MYO5C: variants seen among roughly 807,000 people sequenced by gnomAD.
MYO5C encodes the protein unconventional myosin-Vc.
A neutral mutation model predicts 235.7 loss-of-function variants in MYO5C; 194 were observed. The ratio of observed to expected loss-of-function variants is 0.82; its 90% CI spans 0.73 to 0.93. The LOEUF is 0.93. MYO5C is among the 40% of genes least tolerant of loss of function. The probability of loss-of-function intolerance (pLI) is 0.00; values close to 1 mark genes in which losing one functional copy is unlikely to be tolerated. For missense variants in MYO5C, 2,038 were observed against 2,127.2 expected (o/e 0.96, Z 0.82); for synonymous variants, 707 against 754.8 (o/e 0.94, Z 1.04).
chr15:52,229,151 G>C lies in MYO5C; in HGVS notation c.3189C>G (p.Arg1063=). ...GCTCTACCTTGACCTGCTTGCTCAGGCGGGCCACTTCCGCCTTCAAGCCAT... is the reference window on the plus strand; with the variant it reads ...GCTCTACCTTGACCTGCTTGCTCAGCCGGGCCACTTCCGCCTTCAAGCCAT... ...TSDGLKAEVA[R]LSKQVKTISE... is the part of the protein sequence containing the mutation. Residue 1063 remains arginine (R), a synonymous_variant, in exon 25 of 41, where the codon CGC becomes CGG. Coordinates refer to ENST00000261839, the MANE Select transcript of MYO5C (RefSeq NM_018728.4). 2 of 1,614,150 alleles carry C rather than the reference G, an allele frequency of 1.2e-6. No individual in the cohort carries two copies. The highest frequency in any genetic ancestry group is 1.7e-6 in the Non-Finnish European group (2 of 1,180,024).
rs948741853 is a variant in MYO5C, at chr15:52,192,852, G to A, written c.*1050C>T. On this transcript the variant is annotated 3_prime_UTR_variant, in exon 41 of 41. Coordinates refer to ENST00000261839, the MANE Select transcript of MYO5C (RefSeq NM_018728.4). The stretch of plus-strand genomic sequence containing the variant: ...GTTTTAAAAAAGTTATTGTATGAAA[G>A]GTATTAAAAAATAAAAAAATTATGG... 8.9e-6 allele frequency: 1 copy of A among 112,102 alleles called. No homozygotes were observed. The highest frequency in any genetic ancestry group is 2.4e-5 in the Non-Finnish European group (1 of 42,028). 6.9% of individuals were successfully genotyped at this position (112,102 alleles called of 1,614,324 possible).
intron 40 of MYO5C, 106 bp from the exon 41 acceptor site, chr15:52,194,160 T>C: frequency 1.9e-6 from 2 of 1,030,384 alleles, no homozygotes; most frequent in Non-Finnish European, 2.8e-6. Context: ...GGAGAGCTCC[T>C]TGCACCATCA....
intron 37 of MYO5C, 145 bp from the exon 38 acceptor site, chr15:52,205,292 A>C (rs950136488): frequency 2.2e-6 from 2 of 927,696 alleles, no homozygotes; most frequent in African/African-American, 3.3e-5. Flanking sequence ...AAAAGAATCA[A>C]GGGTTTGGGA....
intron 32 of MYO5C, among the ~76,000 whole-genome samples, chr15:52,215,528 T>C (rs1342479117): frequency 6.6e-6 from 1 of 152,192 alleles, no homozygotes; most frequent in African/African-American, 2.4e-5. Flanking sequence ...CTGTTTCTAC[T>C]CTGTGCGGCC....
At chr15:52,209,232 CAA>C (rs2035390017) in intron 35 of MYO5C, among the ~76,000 whole-genome samples, 1 of 152,086 alleles carries the variant, frequency 6.6e-6, no homozygotes, top group Non-Finnish European at 1.5e-5. Flanking sequence ...ATTTAAAAGA[CAA>C]GGGAGGAAGC....
At chr15:52,204,317 C>T (rs60131226) in intron 38 of MYO5C, among the ~76,000 whole-genome samples, 3,550 of 151,776 alleles carry the variant, frequency 0.023, 127 homozygotes, top group African/African-American at 0.077. Flanking sequence ...TGCCTCTGAC[C>T]GTTTCTCCTG....
At chr15:52,218,803 G>A in intron 31 of MYO5C, 116 bp from the exon 32 acceptor site, 1 of 1,031,782 alleles carries the variant, frequency 9.7e-7, no homozygotes, top group South Asian at 1.6e-5. Flanking sequence ...GCCAATTTCT[G>A]TGTAAAGCAA....
chr15:52,273,995 ACT>A (rs1016630384), intron 5 of MYO5C, among the ~76,000 whole-genome samples: 2 of 150,262 alleles, frequency 1.3e-5, no homozygotes, highest in Non-Finnish European at 3.0e-5. Flanking sequence ...CATCCCTCAC[ACT>A]CTCTGGGCAG....
rs373483191 is a variant in MYO5C at position 52,267,956 on chromosome 15, T to C, written c.940+1797A>G. Among the ~76,000 whole-genome samples the C allele has an allele frequency of 8.5e-4, 129 of 152,266 alleles. 1 individual carries two copies. The highest frequency in any genetic ancestry group is 3.0e-3 in the African/African-American group (123 of 41,552). The stretch of plus-strand genomic sequence containing the variant: ...CTCCATGGAGTACATTATACAAAGA[T>C]TGAAATGACGACCATAATTATTTTC... On this transcript the variant is annotated intron_variant, in intron 8 of 40. Coordinates refer to ENST00000261839, the MANE Select transcript of MYO5C (RefSeq NM_018728.4).
At chr15:52,201,538 A>C (rs1436691552) in intron 38 of MYO5C, among the ~76,000 whole-genome samples, 1 of 152,212 alleles carries the variant, frequency 6.6e-6, no homozygotes, top group African/African-American at 2.4e-5. Context: ...TACTTTCTTC[A>C]GGCAGAAGGA....
Position 52,251,402 on chromosome 15 carries a change from G to C in MYO5C, c.1650C>G (p.His550Gln), listed in dbSNP as rs1250495493. 1 of 1,597,176 alleles carries C rather than the reference G, an allele frequency of 6.3e-7. No homozygotes were observed. Among genetic ancestry groups the C allele is most frequent in the South Asian group, 1.1e-5 (1 of 88,742 alleles). Residue 550 changes from histidine (H) to glutamine (Q), a missense_variant, in exon 13 of 41, where the codon CAC becomes CAG. Transcript: ENST00000261839. ...ACCTTCACGGTACCTTATCAGCAAA[G>C]TGCTGGATGACAAAGGATGTGTTTG... is the stretch of plus-strand genomic sequence containing the variant. ...RMSNTSFVIQ[H>Q]FADKVEYKCE...
chr15:52,236,072 A>G (rs1048173701), intron 22 of MYO5C, among the ~76,000 whole-genome samples: 1 of 152,250 alleles, frequency 6.6e-6, no homozygotes, highest in Non-Finnish European at 1.5e-5. Context: ...GAGCTTCTCA[A>G]TAGCCAGGGG....
In MYO5C at chr15:52,192,721, T is replaced by A. The variant is rs1340154209; in HGVS notation, c.*1181A>T. Reference sequence around the variant, plus strand: ...AAACGTAGATTTCTCAAAAGTAGGGTCCGACACAATTTTTTAGTTACTTTT... The same window carrying A: ...AAACGTAGATTTCTCAAAAGTAGGGACCGACACAATTTTTTAGTTACTTTT... On this transcript the variant is annotated 3_prime_UTR_variant, in exon 41 of 41. Coordinates refer to ENST00000261839, the MANE Select transcript of MYO5C (RefSeq NM_018728.4). 6.6e-6 allele frequency: 1 copy of A among 152,152 alleles called. No individual in the cohort carries two copies. The highest frequency in any genetic ancestry group is 2.4e-5 in the African/African-American group (1 of 41,416). 9.4% of individuals were successfully genotyped at this position (152,152 alleles called of 1,614,324 possible).
chr15:52,293,738 G>T (rs2037442714), intron 1 of MYO5C, among the ~76,000 whole-genome samples: 1 of 152,092 alleles, frequency 6.6e-6, no homozygotes, highest in South Asian at 2.1e-4. Context: ...AATGACCTGA[G>T]AATTCAGCTA....
intron 37 of MYO5C, chr15:52,205,484 T>C (rs3751606): frequency 0.54 from 182,412 of 337,154 alleles, 54,314 homozygotes; most frequent in Non-Finnish European, 0.65. Flanking sequence ...AAGGAAAGTA[T>C]ACAAGAATTC....
Position 52,235,687 on chromosome 15 carries a change from T to G in MYO5C, c.2945A>C (p.Lys982Thr). 6.2e-7 allele frequency: 1 copy of G among 1,611,854 alleles called. No individual in the cohort carries two copies. The highest frequency in any genetic ancestry group is 8.5e-7 in the Non-Finnish European group (1 of 1,178,816). Residue 982 changes from lysine to threonine, a missense_variant, in exon 23 of 41, where the codon AAG becomes ACG. Coordinates refer to ENST00000261839, the MANE Select transcript of MYO5C (RefSeq NM_018728.4). ...AGCTTTACCTTTTAACTCTTCAGTC[T>G]TCTCTTGAAGCTTCAGCTGTATTTG... ...KEQIQLKLQE[K>T]TEELKEKMDN...
rs1158504394 is a variant in MYO5C, at chr15:52,232,201, AGG to A, written c.3026+419_3026+420del. ...GAGGAAGGGAGGAAGGGAGGAAGGA[AGG>A]AAGGAAAAGAAAGAAAATGAAAGAA... On this transcript the variant is annotated intron_variant, in intron 24 of 40. Coordinates refer to ENST00000261839, the MANE Select transcript of MYO5C (RefSeq NM_018728.4). Among the ~76,000 whole-genome samples, 1,978 of 74,870 alleles carry A rather than the reference AGG, an allele frequency of 0.026. 548 individuals are homozygous for A. The East Asian group carries it at 0.55, about 21-fold the overall frequency. The allele number at this position is 74,870 out of a possible 152,430, so 49.1% of individuals were successfully genotyped here. A position where few individuals can be genotyped will look rare whatever the true frequency, so the allele number is the denominator to read the frequency against.
Position 52,221,213 on chromosome 15 carries a change from G to A in MYO5C, c.3670C>T (p.Gln1224Ter), listed in dbSNP as rs1170268383. 1 of 1,613,042 alleles carries A rather than the reference G, an allele frequency of 6.2e-7. No homozygotes were observed. Among genetic ancestry groups the A allele is most frequent in the East Asian group, 2.2e-5 (1 of 44,866 alleles). The change falls in exon 30 of 41, where the codon CAG becomes TAG. Residue 1224 changes from glutamine to a stop codon, truncating the protein, a stop_gained. Coordinates refer to ENST00000261839, the MANE Select transcript of MYO5C (RefSeq NM_018728.4). LOFTEE classifies it high-confidence loss of function. ...AGGCGGATTTCAAGATCTTGCTTCT[G>A]TTTCTCCAATTCTGAAATTTGCTGT... ...FKQQISELEKQKQDLEIRLNE... is the reference protein window; with the variant it reads ...FKQQISELEK
chr15:52,214,553 G>T, intron 33 of MYO5C, 50 bp downstream of exon 33: 3 of 1,263,720 alleles, frequency 2.4e-6, no homozygotes, highest in Non-Finnish European at 2.2e-6. Flanking sequence ...ACACTTGAGC[G>T]CATGTTAGCC....
Sources: allele counts gnomAD v4.1 joint callset (sites outside exome capture counted in the v4.1 genomes callset), GRCh38; gene constraint gnomAD v4.1.1; transcripts MANE v1.5; gene names NCBI Gene and HGNC (gene_info 2026-07-23, HGNC 2026-07-21).